The following TMEM116 variants were observed in gnomAD, a reference collection of about 807,000 sequenced individuals.
TMEM116 encodes transmembrane protein 116.
In TMEM116, 38 loss-of-function variants were observed where a neutral mutation model predicts 44.3. That is an observed-to-expected ratio of 0.86 (90% confidence interval 0.66 to 1.12). The LOEUF is 1.12. Among genes scored for constraint, TMEM116 ranks in the 50% most tolerant of loss-of-function variants. TMEM116 has a pLI of 0.00. For synonymous variants in TMEM116, 132 were observed against 144.8 expected (o/e 0.91, Z 0.64); for missense variants, 354 against 401.7 (o/e 0.88, Z 1.01).
chr12:111,931,375 T>C lies in TMEM116; in HGVS notation c.*246A>G, dbSNP rs780146715. On this transcript the variant is annotated 3_prime_UTR_variant, in exon 11 of 11. Coordinates refer to ENST00000552374, the MANE Select transcript of TMEM116 (RefSeq NM_001193531.2). The stretch of plus-strand genomic sequence containing the variant: ...TATCCATCAAGGTAACACGAGTCTA[T>C]CTCTGAGATGGAAAGTGTCTTCCTC... 6 of 510,310 alleles carry C rather than the reference T, an allele frequency of 1.2e-5. No homozygotes were observed. Among genetic ancestry groups the C allele is most frequent in the Non-Finnish European group, 2.1e-5 (6 of 288,348 alleles). The allele number at this position is 510,310 out of a possible 1,614,324, so 31.6% of individuals were successfully genotyped here. A position where few individuals can be genotyped will look rare whatever the true frequency, so the allele number is the denominator to read the frequency against.
intron 5 of TMEM116, among the ~76,000 whole-genome samples, chr12:111,940,619 T>TA (rs1269051646): frequency 6.9e-6 from 1 of 144,764 alleles, no homozygotes; most frequent in African/African-American, 2.5e-5. Context: ...AAACCAGTGA[T>TA]AGAGTATGGG....
At chr12:111,964,040 C>G (rs957038660) in intron 4 of TMEM116, among the ~76,000 whole-genome samples, 1 of 151,080 alleles carries the variant, frequency 6.6e-6, no homozygotes, top group Non-Finnish European at 1.5e-5. Context: ...AAAACAACTC[C>G]CGTTTTTTTT....
intron 1 of TMEM116, among the ~76,000 whole-genome samples, chr12:112,008,721 C>T (rs2077701206): frequency 6.6e-6 from 1 of 152,034 alleles, no homozygotes; most frequent in Admixed American, 6.6e-5. Context: ...CCTGTAATCC[C>T]AGCACTTTGG....
At chr12:111,996,647 T>C (rs988588724) in intron 3 of TMEM116, among the ~76,000 whole-genome samples, 11 of 152,136 alleles carry the variant, frequency 7.2e-5, no homozygotes, top group African/African-American at 2.7e-4. Context: ...AATTCTGATA[T>C]TGGGCAAATA....
intron 6 of TMEM116, 59 bp downstream of exon 6, chr12:111,938,102 C>A (rs750644178): frequency 3.3e-6 from 4 of 1,222,062 alleles, no homozygotes; most frequent in Non-Finnish European, 4.7e-6. Context: ...TTTGTTCCCA[C>A]CTGAACACCA....
chr12:112,010,158 C>G (rs925289569), intron 1 of TMEM116, among the ~76,000 whole-genome samples: 3 of 152,226 alleles, frequency 2.0e-5, no homozygotes, highest in Non-Finnish European at 4.4e-5. Flanking sequence ...ATTCCCGTAT[C>G]TGCTCCTTTT....
chr12:111,980,664 G>T (rs1367729534), intron 4 of TMEM116, among the ~76,000 whole-genome samples: 3 of 152,190 alleles, frequency 2.0e-5, no homozygotes, highest in Non-Finnish European at 4.4e-5. Flanking sequence ...GGAACTAGGG[G>T]AGGGTATGGT....
At chr12:111,997,155 T>C (rs778372532) in intron 3 of TMEM116, among the ~76,000 whole-genome samples, 12 of 152,226 alleles carry the variant, frequency 7.9e-5, no homozygotes, top group Non-Finnish European at 1.6e-4. Flanking sequence ...TTCCATTTCT[T>C]GTCACTAGTG....
chr12:112,008,551 T>C (rs11066127), intron 1 of TMEM116, among the ~76,000 whole-genome samples: 21,629 of 152,122 alleles, frequency 0.14, 1,927 homozygotes, highest in African/African-American at 0.25. Context: ...CTGTATATTA[T>C]ATATCAATTC....
At chr12:111,944,084 G>A (rs1395694837) in intron 4 of TMEM116, among the ~76,000 whole-genome samples, 1 of 151,978 alleles carries the variant, frequency 6.6e-6, no homozygotes, top group Non-Finnish European at 1.5e-5. Flanking sequence ...TAAACATGCT[G>A]AATAAGATAT....
chr12:112,003,156 A>G (rs2077366219), intron 3 of TMEM116, among the ~76,000 whole-genome samples: 1 of 152,266 alleles, frequency 6.6e-6, no homozygotes, highest in Non-Finnish European at 1.5e-5. Context: ...AAGTATCAAA[A>G]TCAGAGAACT....
intron 1 of TMEM116, chr12:112,005,549 T>C (rs903055611): frequency 1.9e-5 from 9 of 473,640 alleles, no homozygotes; most frequent in African/African-American, 1.4e-4. Flanking sequence ...GAGATGTGGA[T>C]TGAAAAATGA....
intron 4 of TMEM116, among the ~76,000 whole-genome samples, chr12:111,953,637 T>G (rs931022151): frequency 6.6e-6 from 1 of 152,230 alleles, no homozygotes. Context: ...CGTCTAACCT[T>G]GGACTGATGC....
chr12:111,931,324 T>C lies in TMEM116; in HGVS notation c.*297A>G. 1 of 346,002 alleles carries C rather than the reference T, an allele frequency of 2.9e-6. No homozygotes were observed. The highest frequency in any genetic ancestry group is 6.8e-5 in the East Asian group (1 of 14,672). The allele number at this position is 346,002 out of a possible 1,614,324, so 21.4% of individuals were successfully genotyped here. A position where few individuals can be genotyped will look rare whatever the true frequency, so the allele number is the denominator to read the frequency against. On this transcript the variant is annotated 3_prime_UTR_variant, in exon 11 of 11. Transcript: ENST00000552374. Reference sequence around the variant, plus strand: ...AAATAATAATCTAGAATTTATTTTTTCTAGAAGAGACTTAGACAAATCCAA... The same window carrying C: ...AAATAATAATCTAGAATTTATTTTTCCTAGAAGAGACTTAGACAAATCCAA...
Position 111,991,768 on chromosome 12 carries a change from G to A in TMEM116, c.200C>T (p.Ala67Val), listed in dbSNP as rs961789150. 1 of 1,534,892 alleles carries A rather than the reference G, an allele frequency of 6.5e-7. No individual in the cohort carries two copies. The highest frequency in any genetic ancestry group is 1.4e-5 in the African/African-American group (1 of 72,994). ...NKDIICYNLQ[A>V]VGQIFYISSF... ...TCTTGTAGCACTCACCTGTCCAACT[G>A]CTTGTAGGTTATAGCAGATGATGTC... Residue 67 changes from alanine (A) to valine (V), a missense_variant, in exon 4 of 11, where the codon GCA becomes GTA. Ala to Val is a moderately conservative substitution (Grantham distance 64). Coordinates refer to ENST00000552374, the MANE Select transcript of TMEM116 (RefSeq NM_001193531.2).
At chr12:111,975,991 G>C in intron 4 of TMEM116, among the ~76,000 whole-genome samples, 1 of 152,016 alleles carries the variant, frequency 6.6e-6, no homozygotes, top group Non-Finnish European at 1.5e-5. Flanking sequence ...AAGTTTTTTT[G>C]TTTTGTTTTG....
intron 1 of TMEM116, among the ~76,000 whole-genome samples, chr12:112,008,929 C>G (rs1379748928): frequency 1.3e-5 from 2 of 150,340 alleles, no homozygotes; most frequent in African/African-American, 2.5e-5. Flanking sequence ...GAGCCAAGAT[C>G]GCACCATTGC....
chr12:112,005,279 G>T lies in TMEM116; in HGVS notation c.-9C>A, dbSNP rs2077517725. 1 of 1,327,066 alleles carries T rather than the reference G, an allele frequency of 7.5e-7. No individual in the cohort carries two copies. Among genetic ancestry groups the T allele is most frequent in the Admixed American group, 3.9e-5 (1 of 25,678 alleles). 82.2% of individuals were successfully genotyped at this position (1,327,066 alleles called of 1,614,324 possible). ...TACCTCAGAGTAGCCATGACAAATT[G>T]TATCCACTGTATTGCAGGAAGAACC... On this transcript the variant is annotated 5_prime_UTR_variant, in exon 2 of 11. It introduces an in-frame stop codon into an upstream open reading frame of the 5' UTR. Transcript: ENST00000552374.
At chr12:111,958,505 T>C (rs928840835) in intron 4 of TMEM116, among the ~76,000 whole-genome samples, 3 of 152,002 alleles carry the variant, frequency 2.0e-5, no homozygotes, top group Admixed American at 6.6e-5. Context: ...GTTTGATGAA[T>C]TGACAGAAGT....
Sources: gnomAD v4.1 joint callset for allele counts (sites outside exome capture counted in the v4.1 genomes callset) on GRCh38, gnomAD v4.1.1 for gene constraint, MANE v1.5 for transcripts, NCBI Gene and HGNC (gene_info 2026-07-23, HGNC 2026-07-21) for gene names.